Variants in PIGK observed in about 807,000 individuals in gnomAD.
PIGK encodes GPI-anchor transamidase.
A neutral mutation model predicts 50.6 loss-of-function variants in PIGK; 42 were observed. The observed-to-expected ratio is 0.83, with a 90% confidence interval of 0.65 to 1.07. The LOEUF (loss-of-function observed/expected upper bound fraction) is 1.07. PIGK is among the 50% of genes least tolerant of loss of function. The pLI is 0.00. For synonymous variants in PIGK, 151 were observed against 156.0 expected, an observed-to-expected ratio of 0.97 and a Z score of 0.24; for missense variants, 448 against 488.7, an observed-to-expected ratio of 0.92 and a Z score of 0.78.
chr1:77,209,201 A>G (rs1432886923), intron 2 of PIGK, among the ~76,000 whole-genome samples: 2 of 152,132 alleles, frequency 1.3e-5, no homozygotes, highest in East Asian at 3.8e-4. Context: ...AGTCAACATT[A>G]TATTTTCTAA....
In PIGK at chr1:77,135,791, G is replaced by GA. The variant is rs769891952; in HGVS notation, c.987-13433dup. ...AAAATTTACAACCCTTTTCCCAAAG[G>GA]AAAAAAAAAAAAAGCTGAAACTCCA... is the stretch of plus-strand genomic sequence containing the variant. On this transcript the variant is annotated intron_variant, in intron 9 of 10. Transcript: ENST00000370812. Among the ~76,000 whole-genome samples, 614 of 127,362 alleles carry GA rather than the reference G, an allele frequency of 4.8e-3. 2 individuals carry two copies. The highest frequency in any genetic ancestry group is 0.012 in the African/African-American group (432 of 34,568). 83.6% of individuals were successfully genotyped at this position (127,362 alleles called of 152,430 possible). A position where few individuals can be genotyped will look rare whatever the true frequency, so the allele number is the denominator to read the frequency against.
chr1:77,161,063 A>T (rs952274943), intron 8 of PIGK, among the ~76,000 whole-genome samples: 5 of 152,234 alleles, frequency 3.3e-5, no homozygotes, highest in Admixed American at 6.5e-5. Flanking sequence ...ATCTAAAAAA[A>T]GTACATTTCT....
At chr1:77,219,220 G>A in intron 1 of PIGK, 90 bp downstream of exon 1, 1 of 1,064,556 alleles carries the variant, frequency 9.4e-7, no homozygotes, top group Non-Finnish European at 1.4e-6. Context: ...ATTGACTCCA[G>A]GAGGCGTCCC....
At chr1:77,205,513 C>G (rs937173209) in intron 3 of PIGK, among the ~76,000 whole-genome samples, 10 of 151,754 alleles carry the variant, frequency 6.6e-5, no homozygotes, top group Non-Finnish European at 1.3e-4. Flanking sequence ...CCTTTCTGTT[C>G]CTGCAGCACT....
chr1:77,119,172 T>C (rs566843029), intron 10 of PIGK, among the ~76,000 whole-genome samples: 1 of 152,332 alleles, frequency 6.6e-6, no homozygotes, highest in African/African-American at 2.4e-5. Context: ...ACATAAATCA[T>C]GTGGTCATTT....
intron 10 of PIGK, among the ~76,000 whole-genome samples, chr1:77,103,249 G>C (rs1485700652): frequency 6.6e-6 from 1 of 152,042 alleles, no homozygotes; most frequent in Non-Finnish European, 1.5e-5. Context: ...TAATTGGTAA[G>C]TAATTTATGG....
At chr1:77,155,770 C>T (rs1175970298) in intron 8 of PIGK, among the ~76,000 whole-genome samples, 4 of 152,104 alleles carry the variant, frequency 2.6e-5, no homozygotes, top group African/African-American at 7.2e-5. Flanking sequence ...GCGCACAGCA[C>T]CTATCCACCT....
At chr1:77,169,174 T>G in intron 4 of PIGK, 86 bp downstream of exon 4, 1 of 866,156 alleles carries the variant, frequency 1.2e-6, no homozygotes, top group Non-Finnish European at 1.7e-6. Context: ...TAAAGAAAAA[T>G]AATAAGACAA....
chr1:77,172,415 G>A (rs1314045), intron 3 of PIGK, among the ~76,000 whole-genome samples: 53,132 of 151,758 alleles, frequency 0.35, 10,113 homozygotes, highest in East Asian at 0.44. Flanking sequence ...ATCTTCTTCC[G>A]CCATGTGGCT....
intron 3 of PIGK, among the ~76,000 whole-genome samples, chr1:77,172,936 T>A (rs1330324528): frequency 1.3e-5 from 2 of 152,000 alleles, no homozygotes; most frequent in African/African-American, 2.4e-5. Flanking sequence ...AAAAAAATAA[T>A]AATAATAATA....
At chr1:77,218,040 C>A (rs1656621366) in intron 1 of PIGK, among the ~76,000 whole-genome samples, 1 of 152,090 alleles carries the variant, frequency 6.6e-6, no homozygotes, top group Non-Finnish European at 1.5e-5. Context: ...AACAGTAATT[C>A]ATAAATATAT....
intron 3 of PIGK, among the ~76,000 whole-genome samples, chr1:77,174,161 T>C (rs745656682): frequency 2.0e-5 from 3 of 152,222 alleles, no homozygotes; most frequent in Non-Finnish European, 4.4e-5. Context: ...CATCTGTTGA[T>C]TCTCTTCCCC....
intron 9 of PIGK, among the ~76,000 whole-genome samples, chr1:77,127,736 T>A (rs559784899): frequency 1.3e-5 from 2 of 152,150 alleles, no homozygotes; most frequent in Non-Finnish European, 1.5e-5. Context: ...AGAAATTCTC[T>A]ACACATACCA....
intron 8 of PIGK, among the ~76,000 whole-genome samples, chr1:77,155,033 T>C (rs1654978780): frequency 6.6e-6 from 1 of 152,178 alleles, no homozygotes; most frequent in Non-Finnish European, 1.5e-5. Context: ...GCCTCTTGAT[T>C]CAAACTTCAA....
chr1:77,146,934 AAG>A (rs1654782753), intron 9 of PIGK, among the ~76,000 whole-genome samples: 1 of 152,140 alleles, frequency 6.6e-6, no homozygotes, highest in East Asian at 1.9e-4. Context: ...CTGCATAGGC[AAG>A]AGAGAAAGAC....
intron 9 of PIGK, among the ~76,000 whole-genome samples, chr1:77,140,852 C>T (rs1557803901): frequency 1.3e-5 from 2 of 151,972 alleles, no homozygotes. Context: ...TAGAGCTTTC[C>T]CTTTAGTTAG....
Position 77,176,933 on chromosome 1 carries a change from C to T in PIGK, c.240-7538G>A, listed in dbSNP as rs540448030. Among the ~76,000 whole-genome samples, 45 of 152,260 alleles carry T rather than the reference C, an allele frequency of 3.0e-4. 1 individual carries two copies. The highest frequency in any genetic ancestry group is 2.5e-3 in the Admixed American group (39 of 15,296). ...AATTAAATATTGGTGTGGTAACTTA[C>T]AAATTGCTAAAATAGTTTATAACCA... On this transcript the variant is annotated intron_variant, in intron 3 of 10. Coordinates refer to ENST00000370812, the MANE Select transcript of PIGK (RefSeq NM_005482.3).
chr1:77,206,171 A>T (rs1020999377), intron 3 of PIGK, among the ~76,000 whole-genome samples: 5 of 152,174 alleles, frequency 3.3e-5, no homozygotes, highest in Admixed American at 3.3e-4. Flanking sequence ...TTGCAGCTCC[A>T]TTATTGTCAC....
At chr1:77,140,131 T>C (rs1303414946) in intron 9 of PIGK, among the ~76,000 whole-genome samples, 12 of 152,192 alleles carry the variant, frequency 7.9e-5, no homozygotes, top group East Asian at 7.8e-4. Flanking sequence ...TGGAAGGTGT[T>C]TGGGTCATGA....
Sources: allele counts gnomAD v4.1 joint callset (sites outside exome capture counted in the v4.1 genomes callset), GRCh38; gene constraint gnomAD v4.1.1; transcripts MANE v1.5; gene names NCBI Gene and HGNC (gene_info 2026-07-23, HGNC 2026-07-21).